PKP4: variants seen among roughly 807,000 people sequenced by gnomAD.
PKP4 encodes the protein plakophilin-4.
Under a neutral mutation model 145.1 loss-of-function variants are expected in PKP4, and 90 were observed. The observed-to-expected ratio is 0.62, with a 90% CI of 0.52 to 0.74. The LOEUF is 0.74. Ranked by LOEUF, PKP4 falls within the 30% of genes least tolerant of loss-of-function variation. PKP4 has a pLI of 0.00. For missense variants in PKP4, 1,340 were observed against 1,482.7 expected (o/e 0.90, Z 1.58); for synonymous variants, 563 against 577.2 (o/e 0.98, Z 0.35).
At chr2:158,606,396 G>A (rs181837643) in intron 4 of PKP4, among the ~76,000 whole-genome samples, 6 of 151,846 alleles carry the variant, frequency 4.0e-5, no homozygotes, top group Non-Finnish European at 7.4e-5. Flanking sequence ...TCTCAAACAC[G>A]TTATTATCCT....
chr2:158,617,819 A>G (rs901382519), intron 4 of PKP4, among the ~76,000 whole-genome samples: 1 of 152,250 alleles, frequency 6.6e-6, no homozygotes, highest in Non-Finnish European at 1.5e-5. Context: ...ATAAATCAGA[A>G]TAGATTTCAG....
chr2:158,493,813 C>G (rs1475671150), intron 1 of PKP4, among the ~76,000 whole-genome samples: 1 of 152,210 alleles, frequency 6.6e-6, no homozygotes, highest in African/African-American at 2.4e-5. Context: ...GCTTTTCCTG[C>G]TAATCTAGGT....
At chr2:158,609,702 T>A (rs926025381) in intron 4 of PKP4, among the ~76,000 whole-genome samples, 1 of 152,206 alleles carries the variant, frequency 6.6e-6, no homozygotes, top group Non-Finnish European at 1.5e-5. Context: ...AGCCTTTGAA[T>A]TGGATTTTTA....
chr2:158,603,074 A>T lies in PKP4; in HGVS notation c.250A>T (p.Thr84Ser). 6.7e-7 allele frequency: 1 copy of T among 1,494,210 alleles called. No individual in the cohort carries two copies. Among genetic ancestry groups the T allele is most frequent in the Non-Finnish European group, 9.1e-7 (1 of 1,104,166 alleles). 92.6% of individuals were successfully genotyped at this position (1,494,210 alleles called of 1,614,324 possible). ...ESPSIASTSS[T>S]EKSFPWRSTD... ...TTTTTCTTTCTTTTTCTTTAGCTCA[A>T]CTGAGAAGTCATTTCCTTGGAGATC... The change falls in exon 4 of 22, where the codon ACT becomes TCT. Residue 84 changes from threonine to serine, a missense_variant. By Grantham distance (58) the Thr-to-Ser change is moderately conservative. Transcript: ENST00000389759.
At chr2:158,611,261 A>T (rs2051120737) in intron 4 of PKP4, among the ~76,000 whole-genome samples, 2 of 152,220 alleles carry the variant, frequency 1.3e-5, no homozygotes, top group Admixed American at 1.3e-4. Flanking sequence ...TTATTGTATA[A>T]CAGGTATTGA....
chr2:158,632,908 GT>G (rs1183349841), intron 8 of PKP4, among the ~76,000 whole-genome samples: 13 of 152,202 alleles, frequency 8.5e-5, no homozygotes, highest in Non-Finnish European at 5.9e-5. Flanking sequence ...AATAGATATT[GT>G]TTAAAATCTT....
intron 1 of PKP4, among the ~76,000 whole-genome samples, chr2:158,531,120 G>A (rs2043504481): frequency 6.6e-6 from 1 of 152,090 alleles, no homozygotes; most frequent in African/African-American, 2.4e-5. Flanking sequence ...GATAAATACT[G>A]TGAAATTAAG....
At chr2:158,535,617 A>G (rs945414677) in intron 2 of PKP4, among the ~76,000 whole-genome samples, 1 of 152,066 alleles carries the variant, frequency 6.6e-6, no homozygotes, top group Non-Finnish European at 1.5e-5. Context: ...TGGGGGTCTC[A>G]CTACCTTGCC....
At position 158,680,850 on chromosome 2, in the gene PKP4, G is replaced by A; in HGVS notation, c.*173G>A. ...TATCAGGGAAGTGAGGAAATGTTTG[G>A]GAGAGGACTTTCTAAGCTCTATTTA... On this transcript the variant is annotated 3_prime_UTR_variant, in exon 22 of 22. Transcript: ENST00000389759. The A allele has an allele frequency of 1.6e-6, 1 of 609,014 alleles. No individual in the cohort carries two copies. Among genetic ancestry groups the A allele is most frequent in the East Asian group, 2.8e-5 (1 of 35,808 alleles). The allele number at this position is 609,014 out of a possible 1,614,324, so 37.7% of individuals were successfully genotyped here. A position where few individuals can be genotyped will look rare whatever the true frequency, so the allele number is the denominator to read the frequency against.
chr2:158,655,919 CCT>C (rs1184618982), intron 11 of PKP4, among the ~76,000 whole-genome samples: 1 of 152,224 alleles, frequency 6.6e-6, no homozygotes, highest in African/African-American at 2.4e-5. Flanking sequence ...AGTCTGTTGT[CCT>C]CTCCTGCTAT....
intron 11 of PKP4, 55 bp downstream of exon 11, chr2:158,642,754 G>A: frequency 1.5e-6 from 2 of 1,369,038 alleles, no homozygotes; most frequent in Non-Finnish European, 1.0e-6. Flanking sequence ...AGTCTGGACT[G>A]TGCCCTTGTA....
At chr2:158,620,922 T>C in intron 4 of PKP4, 68 bp from the exon 5 acceptor site, 1 of 1,398,246 alleles carries the variant, frequency 7.2e-7, no homozygotes, top group Non-Finnish European at 1.0e-6. Context: ...GACAAACATC[T>C]GAACCTTTTT....
chr2:158,642,453 C>T (rs2054381708), intron 10 of PKP4, 33 bp from the exon 11 acceptor site: 1 of 1,492,950 alleles, frequency 6.7e-7, no homozygotes, highest in Non-Finnish European at 9.2e-7. Context: ...TTGCATGTTA[C>T]TTAGGCCTGG....
chr2:158,652,405 A>G (rs2055454547), intron 11 of PKP4, among the ~76,000 whole-genome samples: 1 of 152,208 alleles, frequency 6.6e-6, no homozygotes, highest in Non-Finnish European at 1.5e-5. Flanking sequence ...TAGGTGCCAT[A>G]GCATCTTGGC....
chr2:158,475,966 G>A (rs1240654360), intron 1 of PKP4, among the ~76,000 whole-genome samples: 4 of 152,056 alleles, frequency 2.6e-5, no homozygotes, highest in African/African-American at 4.8e-5. Context: ...GCCTTTTGAG[G>A]GCAATTATAG....
intron 9 of PKP4, among the ~76,000 whole-genome samples, chr2:158,634,783 G>A (rs2053668609): frequency 6.6e-6 from 1 of 152,172 alleles, no homozygotes; most frequent in Admixed American, 6.6e-5. Flanking sequence ...AACAATTTGT[G>A]ACATTTAGGA....
intron 1 of PKP4, among the ~76,000 whole-genome samples, chr2:158,480,165 T>C (rs1693123582): frequency 6.6e-6 from 1 of 152,210 alleles, no homozygotes; most frequent in Non-Finnish European, 1.5e-5. Flanking sequence ...GTTAAATAGT[T>C]CCTTTTGTCT....
intron 2 of PKP4, among the ~76,000 whole-genome samples, chr2:158,577,021 A>G (rs752422967): frequency 2.1e-4 from 32 of 152,320 alleles, no homozygotes; most frequent in Non-Finnish European, 3.4e-4. Flanking sequence ...AACCAAAATC[A>G]GAAAAGGCAA....
At chr2:158,511,146 G>C (rs1048231339) in intron 1 of PKP4, among the ~76,000 whole-genome samples, 2 of 152,182 alleles carry the variant, frequency 1.3e-5, no homozygotes, top group African/African-American at 4.8e-5. Flanking sequence ...CAGCACTTTG[G>C]GAGACCAAGG....
Sources: gnomAD v4.1 joint callset for allele counts (sites outside exome capture counted in the v4.1 genomes callset) on GRCh38, gnomAD v4.1.1 for gene constraint, MANE v1.5 for transcripts, NCBI Gene and HGNC (gene_info 2026-07-23, HGNC 2026-07-21) for gene names.